The following ARID5B variants were observed in gnomAD, a reference collection of about 807,000 sequenced individuals.
ARID5B encodes AT-rich interactive domain-containing protein 5B.
In ARID5B, 13 loss-of-function variants were observed where a neutral mutation model predicts 97.2. The observed-to-expected ratio is 0.13, with a 90% confidence interval of 0.09 to 0.21. The LOEUF (loss-of-function observed/expected upper bound fraction) is 0.21, where lower values mean the gene tolerates loss of function less well. Among genes scored for constraint, ARID5B ranks in the 10% least tolerant of loss-of-function variants. The probability of loss-of-function intolerance (pLI) is 1.00; values close to 1 mark genes in which losing one functional copy is unlikely to be tolerated. For synonymous variants in ARID5B, 556 were observed against 570.3 expected, an observed-to-expected ratio of 0.97 and a Z score of 0.36; for missense variants, 1,210 against 1,465.3, an observed-to-expected ratio of 0.83 and a Z score of 2.84.
chr10:61,945,983 A>T (rs1046494993), intron 3 of ARID5B, among the ~76,000 whole-genome samples: 1 of 148,462 alleles, frequency 6.7e-6, no homozygotes, highest in Admixed American at 6.8e-5. Flanking sequence ...AATACATATT[A>T]TATATGACTA....
At chr10:61,943,478 C>CT (rs372343365) in intron 3 of ARID5B, among the ~76,000 whole-genome samples, 2 of 149,830 alleles carry the variant, frequency 1.3e-5, no homozygotes, top group African/African-American at 5.0e-5. Flanking sequence ...AGGCCCCCCC[C>CT]CTTTTTTTCT....
intron 7 of ARID5B, among the ~76,000 whole-genome samples, chr10:62,060,419 C>T (rs75127662): frequency 0.013 from 1,922 of 152,038 alleles, 36 homozygotes; most frequent in African/African-American, 0.043. Flanking sequence ...TCATATATGG[C>T]GTATGTACAC....
intron 3 of ARID5B, among the ~76,000 whole-genome samples, chr10:61,985,289 C>T (rs1240427470): frequency 1.3e-5 from 2 of 151,594 alleles, no homozygotes; most frequent in East Asian, 3.9e-4. Flanking sequence ...TTTGCACCAA[C>T]TTAATACATC....
intron 4 of ARID5B, among the ~76,000 whole-genome samples, chr10:62,012,855 T>C (rs1839235086): frequency 6.6e-6 from 1 of 152,232 alleles, no homozygotes; most frequent in Non-Finnish European, 1.5e-5. Flanking sequence ...TTACATAAAA[T>C]GAATTGATCA....
At chr10:62,049,319 G>A in intron 4 of ARID5B, 1 of 1,497,102 alleles carries the variant, frequency 6.7e-7, no homozygotes, top group South Asian at 1.3e-5. Context: ...GCTGCCGGGG[G>A]AGGGGAGTTG....
chr10:62,092,014 G>A lies in ARID5B; in HGVS notation c.2551G>A (p.Glu851Lys), dbSNP rs774323914. ...YRHTEHHLHN[E>K]QTSKYPSRDM... ...ACACACCGAGCACCATCTTCATAAT[G>A]AACAGACATCCAAATACCCTTCCAG... The change falls in exon 10 of 10, where the codon GAA (glutamate) becomes AAA (lysine). Residue 851 changes from glutamate to lysine, a missense_variant. Physicochemically the swap from Glu to Lys is moderately conservative, Grantham distance 56. Around this residue, in one of 8 missense-constraint regions of ARID5B, gnomAD observed 800 missense variants for 839.1 expected, o/e 0.95. Transcript: ENST00000279873. 4.3e-6 allele frequency: 7 copies of A among 1,613,860 alleles called. No homozygotes were observed. Among genetic ancestry groups the A allele is most frequent in the African/African-American group, 1.3e-5 (1 of 74,864 alleles).
At chr10:61,991,564 A>G (rs1838925847) in intron 3 of ARID5B, among the ~76,000 whole-genome samples, 1 of 152,140 alleles carries the variant, frequency 6.6e-6, no homozygotes, top group Admixed American at 6.5e-5. Flanking sequence ...TATGTATTCT[A>G]GTTATTAATC....
intron 8 of ARID5B, among the ~76,000 whole-genome samples, chr10:62,079,334 G>A (rs1330115130): frequency 6.6e-6 from 1 of 152,146 alleles, no homozygotes; most frequent in Non-Finnish European, 1.5e-5. Flanking sequence ...TAATCGTTTA[G>A]CTCTGAACCT....
intron 4 of ARID5B, among the ~76,000 whole-genome samples, chr10:62,026,142 G>C (rs1015394806): frequency 6.6e-6 from 1 of 152,194 alleles, no homozygotes; most frequent in African/African-American, 2.4e-5. Flanking sequence ...TGCATGCTGA[G>C]TACTTATACC....
intron 3 of ARID5B, among the ~76,000 whole-genome samples, chr10:61,975,089 G>C (rs1284563796): frequency 6.6e-6 from 1 of 151,944 alleles, no homozygotes; most frequent in Non-Finnish European, 1.5e-5. Context: ...CAACATTTTT[G>C]AGTTATTAAT....
At chr10:61,977,080 A>G (rs916823004) in intron 3 of ARID5B, among the ~76,000 whole-genome samples, 2 of 152,028 alleles carry the variant, frequency 1.3e-5, no homozygotes, top group South Asian at 2.1e-4. Flanking sequence ...TCATTGTTCA[A>G]TTCCCACCTA....
chr10:62,059,161 G>T (rs576932207), intron 6 of ARID5B, 82 bp from the exon 7 acceptor site: 1 of 1,064,844 alleles, frequency 9.4e-7, no homozygotes. Flanking sequence ...CTTTCTCGTT[G>T]AAAAAAAAAA....
Position 62,022,116 on chromosome 10 carries a change from T to C in ARID5B, c.733+21795T>C, listed in dbSNP as rs1302017995. On this transcript the variant is annotated intron_variant, in intron 4 of 9. Transcript: ENST00000279873. ...CTACAATTCATATAAGTGGAGCTCA[T>C]ACAATGAAGTTTGCCCATATAGTCC... Among the ~76,000 whole-genome samples, 2 of 152,308 alleles carry C rather than the reference T, an allele frequency of 1.3e-5. 1 individual carries two copies. Among genetic ancestry groups the C allele is most frequent in the Non-Finnish European group, 2.9e-5 (2 of 68,020 alleles).
At chr10:62,048,413 C>G (rs1481427751) in intron 4 of ARID5B, among the ~76,000 whole-genome samples, 1 of 152,088 alleles carries the variant, frequency 6.6e-6, no homozygotes, top group Admixed American at 6.6e-5. Context: ...AAAAAAAGTT[C>G]AGAGGGGAGA....
At chr10:61,922,227 G>C (rs544176399) in intron 2 of ARID5B, among the ~76,000 whole-genome samples, 2 of 152,308 alleles carry the variant, frequency 1.3e-5, no homozygotes, top group African/African-American at 4.8e-5. Context: ...ATTGTGTCTG[G>C]TTAGATGAGA....
chr10:61,943,267 A>G (rs548704586), intron 3 of ARID5B, among the ~76,000 whole-genome samples: 33 of 152,196 alleles, frequency 2.2e-4, no homozygotes, highest in Non-Finnish European at 4.4e-4. Flanking sequence ...CTCTTCTATA[A>G]CATCAAAATA....
chr10:62,017,285 T>C (rs1010349423), intron 4 of ARID5B, among the ~76,000 whole-genome samples: 1 of 152,116 alleles, frequency 6.6e-6, no homozygotes, highest in African/African-American at 2.4e-5. Flanking sequence ...AAACCCTGTC[T>C]CTACTAAAAA....
At chr10:61,960,590 T>C (rs1478152854) in intron 3 of ARID5B, among the ~76,000 whole-genome samples, 5 of 152,134 alleles carry the variant, frequency 3.3e-5, no homozygotes, top group Admixed American at 3.3e-4. Flanking sequence ...CTGCATATTG[T>C]TTTTGGCCAA....
At chr10:61,921,061 T>C (rs1844006335) in intron 2 of ARID5B, among the ~76,000 whole-genome samples, 1 of 151,116 alleles carries the variant, frequency 6.6e-6, no homozygotes, top group African/African-American at 2.4e-5. Context: ...CAGAAAATTA[T>C]CTAATTTCTA....
Sources: gnomAD v4.1 joint callset for allele counts (sites outside exome capture counted in the v4.1 genomes callset) on GRCh38, gnomAD v4.1.1 for gene constraint, gnomAD v4.1.1 regional missense constraint, MANE v1.5 for transcripts, NCBI Gene and HGNC (gene_info 2026-07-23, HGNC 2026-07-21) for gene names.